The following TENM3 variants were observed in gnomAD, a reference collection of about 807,000 sequenced individuals.
TENM3 encodes teneurin transmembrane protein 3, also known as teneurin-3.
Under a neutral mutation model 255.1 loss-of-function variants are expected in TENM3, and 63 were observed. The ratio of observed to expected loss-of-function variants is 0.25; its 90% CI spans 0.20 to 0.30. TENM3 has a LOEUF of 0.30. Among genes scored for constraint, TENM3 ranks in the 10% least tolerant of loss-of-function variants. The pLI, the probability that TENM3 is intolerant of heterozygous loss-of-function variation, is 1.00. For missense variants in TENM3, 2,929 were observed against 3,461.1 expected (o/e 0.85, Z 3.86); for synonymous variants, 1,306 against 1,322.3 (o/e 0.99, Z 0.27).
chr4:181,886,060 T>G, the TENM3 span, among the ~76,000 whole-genome samples: 5 of 149,298 alleles, frequency 3.3e-5, no homozygotes, highest in East Asian at 9.9e-4. Context: ...TTTTTTTTTT[T>G]TTTTTTTTTT....
the TENM3 span, among the ~76,000 whole-genome samples, chr4:182,111,377 A>G: frequency 2.6e-5 from 4 of 152,184 alleles, no homozygotes; most frequent in Non-Finnish European, 4.4e-5. Flanking sequence ...CTTTTAATTC[A>G]TGGATCATAG....
intron 6 of TENM3, among the ~76,000 whole-genome samples, chr4:182,669,505 C>T (rs965310073): frequency 2.6e-5 from 4 of 151,984 alleles, no homozygotes; most frequent in Admixed American, 6.6e-5. Context: ...CTCCTGACCT[C>T]GTGATCCGCC....
the TENM3 span, among the ~76,000 whole-genome samples, chr4:181,768,002 A>C: frequency 6.6e-6 from 1 of 152,224 alleles, no homozygotes; most frequent in Non-Finnish European, 1.5e-5. Context: ...TTTTAATGTA[A>C]ATGCAGAAGG....
rs111774105 is a variant in TENM3 at position 182,289,223 on chromosome 4, G to A, written c.-75-34723G>A. On this transcript the variant is annotated intron_variant, in intron 1 of 27. Coordinates refer to ENST00000511685, the MANE Select transcript of TENM3 (RefSeq NM_001080477.4). ...CCAGCCTGGGCGAGGGTGAGATGCTGTCTCTACAAAACATTTAAAAAGATT... is the reference window on the plus strand; with the variant it reads ...CCAGCCTGGGCGAGGGTGAGATGCTATCTCTACAAAACATTTAAAAAGATT... Among the ~76,000 whole-genome samples the A allele has an allele frequency of 8.0e-3, 1,217 of 152,314 alleles. 17 individuals are homozygous for A. The highest frequency in any genetic ancestry group is 0.027 in the African/African-American group (1,128 of 41,572).
At chr4:181,738,092 A>G in the TENM3 span, among the ~76,000 whole-genome samples, 1 of 152,140 alleles carries the variant, frequency 6.6e-6, no homozygotes, top group Non-Finnish European at 1.5e-5. Context: ...TTCCAGCTTT[A>G]TTCTTCTGAC....
chr4:182,328,718 G>C (rs1162706839), intron 2 of TENM3, among the ~76,000 whole-genome samples: 1 of 151,992 alleles, frequency 6.6e-6, no homozygotes, highest in East Asian at 1.9e-4. Context: ...CCCCTCTTTG[G>C]GCCGTGCCGT....
At chr4:181,617,438 A>C in the TENM3 span, among the ~76,000 whole-genome samples, 3 of 152,212 alleles carry the variant, frequency 2.0e-5, no homozygotes, top group African/African-American at 7.2e-5. Context: ...ACATTTTAGC[A>C]GAGACTAGAC....
rs1442622034 is a variant in TENM3, at chr4:182,705,549, A to G, written c.2222-8538A>G. ...TACACATCAGCAACTGCTTATATAC[A>G]GTGAAACCGACTTGACCTTCCCTTG... is the stretch of plus-strand genomic sequence containing the variant. On this transcript the variant is annotated intron_variant, in intron 12 of 27. Coordinates refer to ENST00000511685, the MANE Select transcript of TENM3 (RefSeq NM_001080477.4). Among the ~76,000 whole-genome samples the G allele has an allele frequency of 3.3e-5, 5 of 152,238 alleles. No homozygotes were observed. In the East Asian group the frequency reaches 5.8e-4, roughly 18 times the overall value.
At chr4:182,228,948 A>G (rs995508523) in intron 1 of TENM3, among the ~76,000 whole-genome samples, 1 of 152,210 alleles carries the variant, frequency 6.6e-6, no homozygotes, top group African/African-American at 2.4e-5. Flanking sequence ...TCCTACTGTC[A>G]TGGGGCATGT....
At chr4:182,448,974 C>T in intron 3 of TENM3, 2 of 396,142 alleles carry the variant, frequency 5.0e-6, no homozygotes, top group South Asian at 1.7e-5. Context: ...CCGCCGCGCG[C>T]AGCCCGAGCC....
intron 3 of TENM3, among the ~76,000 whole-genome samples, chr4:182,551,584 A>T (rs951759708): frequency 6.6e-6 from 1 of 152,152 alleles, no homozygotes; most frequent in Non-Finnish European, 1.5e-5. Context: ...ATAAAATTAA[A>T]ATTATAAATA....
At chr4:182,011,163 T>C in the TENM3 span, among the ~76,000 whole-genome samples, 1 of 152,212 alleles carries the variant, frequency 6.6e-6, no homozygotes, top group South Asian at 2.1e-4. Flanking sequence ...CTCCATGTAT[T>C]CTACTGCACA....
rs1003970217 is a variant in TENM3, at chr4:182,153,154, A to T, written c.-76+8400A>T. Among the ~76,000 whole-genome samples the T allele has an allele frequency of 1.9e-4, 29 of 152,114 alleles. No individual in the cohort carries two copies. The East Asian group carries it at 5.4e-3, about 28-fold the overall frequency. On this transcript the variant is annotated intron_variant, in intron 1 of 2. Transcript: ENST00000512480. ...ATATTAGTAATCAAAACATACACTA[A>T]CTGAAGTCTGTTTAAAGGCAGCCTG...
the TENM3 span, among the ~76,000 whole-genome samples, chr4:181,922,610 T>C: frequency 6.6e-6 from 1 of 152,344 alleles, no homozygotes; most frequent in African/African-American, 2.4e-5. Flanking sequence ...TTGTATCTGT[T>C]TGATTCTTCT....
At chr4:182,496,848 A>C (rs1026920698) in intron 3 of TENM3, among the ~76,000 whole-genome samples, 1 of 152,216 alleles carries the variant, frequency 6.6e-6, no homozygotes, top group African/African-American at 2.4e-5. Flanking sequence ...TATGCAAAAG[A>C]AGTAGCTAAA....
intron 1 of TENM3, among the ~76,000 whole-genome samples, chr4:182,189,003 C>T (rs760691381): frequency 1.6e-4 from 25 of 151,568 alleles, no homozygotes; most frequent in African/African-American, 4.6e-4. Flanking sequence ...CAAAATATTG[C>T]GGCCTTTAAA....
chr4:181,793,994 G>C, the TENM3 span, among the ~76,000 whole-genome samples: 117 of 151,942 alleles, frequency 7.7e-4, no homozygotes, highest in African/African-American at 2.7e-3. Flanking sequence ...ATAACACCTG[G>C]CAACATCCAA....
At chr4:182,393,877 T>C (rs796085194) in intron 3 of TENM3, among the ~76,000 whole-genome samples, 37 of 152,294 alleles carry the variant, frequency 2.4e-4, no homozygotes, top group African/African-American at 8.2e-4. Context: ...TGAGAAACTA[T>C]TGGATATCAG....
At chr4:182,030,349 C>T in the TENM3 span, among the ~76,000 whole-genome samples, 4 of 151,988 alleles carry the variant, frequency 2.6e-5, no homozygotes, top group Non-Finnish European at 4.4e-5. Context: ...TTTTCTGTCC[C>T]TGCATTAGTT....
Sources: gnomAD v4.1 joint callset for allele counts (sites outside exome capture counted in the v4.1 genomes callset) on GRCh38, gnomAD v4.1.1 for gene constraint, MANE v1.5 for transcripts, NCBI Gene and HGNC (gene_info 2026-07-23, HGNC 2026-07-21) for gene names.